FAM133B: variants seen among roughly 807,000 people sequenced by gnomAD.
FAM133B encodes the protein protein FAM133B.
In FAM133B, 25 loss-of-function variants were observed where a neutral mutation model predicts 46.4. The observed-to-expected ratio is 0.54, with a 90% CI of 0.39 to 0.75. FAM133B has a LOEUF of 0.75. FAM133B is among the 30% of genes least tolerant of loss of function. The probability of loss-of-function intolerance (pLI) is 0.00; values close to 1 mark genes in which losing one functional copy is unlikely to be tolerated. For missense variants in FAM133B, 205 were observed against 277.6 expected, an observed-to-expected ratio of 0.74 and a Z score of 1.86; for synonymous variants, 75 against 86.0, an observed-to-expected ratio of 0.87 and a Z score of 0.71.
chr7:92,584,044 T>C (rs1359971176), intron 1 of FAM133B, among the ~76,000 whole-genome samples: 1 of 85,054 alleles, frequency 1.2e-5, no homozygotes, highest in Non-Finnish European at 2.1e-5. Flanking sequence ...AGCAAGACTG[T>C]CTCAAAAAAA....
At position 92,578,484 on chromosome 7, in the gene FAM133B, C is replaced by T. The variant is rs766674694; in HGVS notation, c.202-91G>A. ...ACAGCCACTGCTTCCTTCCCTCCAT[C>T]CTCTTAATACCTCTCACCCATTTCA... On this transcript the variant is annotated intron_variant, in intron 3 of 10. Transcript: ENST00000445716. 3.9e-6 allele frequency: 4 copies of T among 1,033,568 alleles called. No individual in the cohort carries two copies. In the Admixed American group the frequency reaches 8.0e-5, roughly 21 times the overall value. 64.0% of individuals were successfully genotyped at this position (1,033,568 alleles called of 1,614,324 possible). A position where few individuals can be genotyped will look rare whatever the true frequency, so the allele number is the denominator to read the frequency against.
intron 9 of FAM133B, among the ~76,000 whole-genome samples, chr7:92,568,707 T>A (rs1794441562): frequency 6.6e-6 from 1 of 151,990 alleles, no homozygotes; most frequent in South Asian, 2.1e-4. Flanking sequence ...TGAAATACAA[T>A]TTCATAAAAT....
At position 92,562,143 on chromosome 7, in the gene FAM133B, A is replaced by C. The variant is rs1481671050; in HGVS notation, c.*139T>G. On this transcript the variant is annotated 3_prime_UTR_variant, in exon 11 of 11. Transcript: ENST00000445716. ...TGGCCCTTTCACACAGTGGCATCTG[A>C]GTGGCTACTGAATAGTCCAGGAATA... 5.6e-5 allele frequency: 54 copies of C among 972,822 alleles called. No individual in the cohort carries two copies. Among genetic ancestry groups the C allele is most frequent in the Non-Finnish European group, 7.7e-5 (53 of 692,444 alleles). The allele number at this position is 972,822 out of a possible 1,614,324, so 60.3% of individuals were successfully genotyped here.
At chr7:92,590,115 G>A (rs1795155092) in intron 1 of FAM133B, 153 bp downstream of exon 1, 6 of 1,113,118 alleles carry the variant, frequency 5.4e-6, no homozygotes, top group Non-Finnish European at 6.4e-6. Flanking sequence ...CGCGGCGCAC[G>A]CGCATCTGGG....
rs200754940 is a variant in FAM133B, at chr7:92,577,176, C to T, written c.392G>A (p.Arg131Gln). The change falls in exon 7 of 11, where the codon CGG becomes CAG. Residue 131 changes from arginine (R) to glutamine (Q), a missense_variant. Physicochemically the swap from Arg to Gln is conservative, Grantham distance 43 (BLOSUM62 1). Coordinates refer to ENST00000445716, the MANE Select transcript of FAM133B (RefSeq NM_152789.4). ...SEDEDKKQGK[R>Q]RKKKKNRSHK... ...TGAACGGTTCTTCTTTTTCTTTCTC[C>T]GTTTTCCTTGTTTCTTATCCTACAT... 1.6e-3 allele frequency: 2,361 copies of T among 1,494,914 alleles called. 6 individuals are homozygous for T. The highest frequency in any genetic ancestry group is 1.8e-3 in the Non-Finnish European group (2,049 of 1,119,322). 92.6% of individuals were successfully genotyped at this position (1,494,914 alleles called of 1,614,324 possible). A position where few individuals can be genotyped will look rare whatever the true frequency, so the allele number is the denominator to read the frequency against.
At chr7:92,578,533 A>G in intron 3 of FAM133B, 140 bp from the exon 4 acceptor site, 2 of 753,312 alleles carry the variant, frequency 2.7e-6, no homozygotes, top group Admixed American at 4.5e-5. Context: ...GTCAAAAGAA[A>G]CACAGGTGCC....
chr7:92,578,754 C>T (rs1452179322), intron 3 of FAM133B, among the ~76,000 whole-genome samples: 1 of 152,110 alleles, frequency 6.6e-6, no homozygotes, highest in African/African-American at 2.4e-5. Context: ...GTAATCAAAA[C>T]AAGCAAACAG....
chr7:92,577,226 TTC>T, intron 6 of FAM133B, 31 bp from the exon 7 acceptor site: 1 of 1,369,796 alleles, frequency 7.3e-7, no homozygotes, highest in Non-Finnish European at 9.7e-7. Flanking sequence ...AACATTTGCT[TTC>T]TGTCTCAAAA....
In FAM133B at chr7:92,590,321, C is replaced by G; in HGVS notation, c.-30G>C. 6.2e-7 allele frequency: 1 copy of G among 1,613,566 alleles called. No individual in the cohort carries two copies. The highest frequency in any genetic ancestry group is 8.5e-7 in the Non-Finnish European group (1 of 1,179,684). On this transcript the variant is annotated 5_prime_UTR_variant, in exon 1 of 11. Transcript: ENST00000445716. ...CTGGATCGAGCGCACAGTAGCACGC[C>G]GAGGGAAACCGGGCCGGAGAGACTG... is the stretch of plus-strand genomic sequence containing the variant.
intron 7 of FAM133B, among the ~76,000 whole-genome samples, chr7:92,576,762 T>A (rs1042505035): frequency 6.6e-6 from 1 of 152,214 alleles, no homozygotes; most frequent in Non-Finnish European, 1.5e-5. Flanking sequence ...AGAAAGGACA[T>A]TGGACCAGAT....
At chr7:92,568,255 T>C (rs911853997) in intron 9 of FAM133B, among the ~76,000 whole-genome samples, 5 of 152,094 alleles carry the variant, frequency 3.3e-5, no homozygotes, top group African/African-American at 7.2e-5. Context: ...TTTTAAGATA[T>C]ACTGTAATGC....
intron 10 of FAM133B, 106 bp downstream of exon 10, chr7:92,565,908 A>T: frequency 8.3e-7 from 1 of 1,210,500 alleles, no homozygotes; most frequent in South Asian, 1.3e-5. Context: ...TTCCCAACAA[A>T]TACTTATTTG....
At chr7:92,581,832 GTT>G (rs1794885691) in intron 1 of FAM133B, 1 of 341,196 alleles carries the variant, frequency 2.9e-6, no homozygotes, top group African/African-American at 2.5e-5. Context: ...GTGTGTGTGT[GTT>G]TTACAAGAGA....
chr7:92,585,000 A>G (rs1366724377), intron 1 of FAM133B, among the ~76,000 whole-genome samples: 1 of 152,136 alleles, frequency 6.6e-6, no homozygotes, highest in Non-Finnish European at 1.5e-5. Flanking sequence ...AAAACAAAAC[A>G]AAACAAAACA....
chr7:92,575,734 GAC>G, intron 8 of FAM133B, 35 bp downstream of exon 8: 1 of 1,099,168 alleles, frequency 9.1e-7, no homozygotes, highest in African/African-American at 1.6e-5. Context: ...AGTATTATAT[GAC>G]AGACTATCTT....
At chr7:92,584,980 T>TAAACA (rs148386601) in intron 1 of FAM133B, among the ~76,000 whole-genome samples, 1,721 of 151,562 alleles carry the variant, frequency 0.011, 21 homozygotes, top group Non-Finnish European at 0.012. Context: ...TTGTCTCTAC[T>TAAACA]AAACAAAACA....
intron 10 of FAM133B, 64 bp from the exon 11 acceptor site, chr7:92,562,432 C>A (rs6970992): frequency 0.038 from 56,172 of 1,495,964 alleles, 1,176 homozygotes; most frequent in Non-Finnish European, 0.041. Flanking sequence ...AGCATCTTTA[C>A]CATGCTTCTA....
In FAM133B at chr7:92,590,165, G is replaced by C. The variant is rs1033185873; in HGVS notation, c.24+103C>G. 7.0e-6 allele frequency: 11 copies of C among 1,581,990 alleles called. 1 individual carries two copies. The highest frequency in any genetic ancestry group is 3.3e-4 in the Middle Eastern group (2 of 6,028). ...CTGGGTCTCCAGGCCCCACGTCTGA[G>C]GGCTGCCGCTTGCCCTCCGGCCCGG... is the stretch of plus-strand genomic sequence containing the variant. On this transcript the variant is annotated intron_variant, in intron 1 of 10. Coordinates refer to ENST00000445716, the MANE Select transcript of FAM133B (RefSeq NM_152789.4).
chr7:92,569,606 AG>A (rs1272330740), intron 9 of FAM133B: 1 of 288,078 alleles, frequency 3.5e-6, no homozygotes, highest in Admixed American at 5.3e-5. Context: ...CAGATTAGAA[AG>A]GTATGTGGAA....
Sources: allele counts gnomAD v4.1 joint callset (sites outside exome capture counted in the v4.1 genomes callset), GRCh38; gene constraint gnomAD v4.1.1; transcripts MANE v1.5; gene names NCBI Gene and HGNC (gene_info 2026-07-23, HGNC 2026-07-21).